The following RARB variants were observed in gnomAD, a reference collection of about 807,000 sequenced individuals.
The protein encoded by RARB is retinoic acid receptor beta.
Under a neutral mutation model 51.9 loss-of-function variants are expected in RARB, and 17 were observed. The observed-to-expected ratio is 0.33, with a 90% CI of 0.22 to 0.49. The LOEUF is 0.49. RARB is among the 20% of genes least tolerant of loss of function. The pLI is 0.99. For synonymous variants in RARB, 215 were observed against 195.4 expected, an observed-to-expected ratio of 1.10 and a Z score of -0.84; for missense variants, 369 against 550.8, an observed-to-expected ratio of 0.67 and a Z score of 3.30.
chr3:25,520,363 C>T (rs941687497), intron 3 of RARB, among the ~76,000 whole-genome samples: 6 of 152,284 alleles, frequency 3.9e-5, no homozygotes, highest in African/African-American at 1.4e-4. Flanking sequence ...CTCAACAGTT[C>T]AGTAGGGACC....
intron 3 of RARB, among the ~76,000 whole-genome samples, chr3:25,124,398 CCTTT>C (rs913089299): frequency 6.6e-6 from 1 of 152,062 alleles, no homozygotes; most frequent in Non-Finnish European, 1.5e-5. Flanking sequence ...TGGATACAGC[CCTTT>C]CTTTATTTCC....
intron 5 of RARB, among the ~76,000 whole-genome samples, chr3:25,587,646 C>G (rs1431345711): frequency 6.6e-6 from 1 of 152,178 alleles, no homozygotes; most frequent in Non-Finnish European, 1.5e-5. Context: ...GGCTACAGGT[C>G]CCATTGGGGA....
rs180713092 is a variant in RARB, at chr3:25,112,615, A to G, written c.-327-19546A>G. Reference sequence around the variant, plus strand: ...CACATAGGGAGACCTCGTCTCTACAAATAATAAAAAAAATTAGTTGAGCAT... The same window carrying G: ...CACATAGGGAGACCTCGTCTCTACAGATAATAAAAAAAATTAGTTGAGCAT... On this transcript the variant is annotated intron_variant, in intron 3 of 11. Transcript: ENST00000383772. Among the ~76,000 whole-genome samples, 1,026 of 152,108 alleles carry G rather than the reference A, an allele frequency of 6.7e-3. 8 individuals carry two copies. The highest frequency in any genetic ancestry group is 0.022 in the African/African-American group (915 of 41,488).
At chr3:25,210,535 T>TTTC (rs1255624954) in intron 5 of RARB, among the ~76,000 whole-genome samples, 1 of 104,204 alleles carries the variant, frequency 9.6e-6, no homozygotes, top group African/African-American at 3.5e-5. Flanking sequence ...GATTCTTTTT[T>TTTC]TTTTTTTTTT....
intron 5 of RARB, among the ~76,000 whole-genome samples, chr3:25,180,856 G>A (rs1700846574): frequency 6.6e-6 from 1 of 152,160 alleles, no homozygotes; most frequent in Non-Finnish European, 1.5e-5. Flanking sequence ...GGGGCTCCCA[G>A]ACCAACCAAT....
intron 5 of RARB, among the ~76,000 whole-genome samples, chr3:25,408,247 A>G (rs910549035): frequency 6.6e-6 from 1 of 152,188 alleles, no homozygotes; most frequent in African/African-American, 2.4e-5. Flanking sequence ...GCTATAAAGA[A>G]CTACCTGAGA....
At chr3:25,109,820 A>G (rs1407683365) in intron 3 of RARB, among the ~76,000 whole-genome samples, 1 of 152,108 alleles carries the variant, frequency 6.6e-6, no homozygotes, top group Admixed American at 6.5e-5. Context: ...AATTTTTCCA[A>G]CACTCTCAGA....
At chr3:24,959,067 G>T (rs1034544955) in intron 2 of RARB, among the ~76,000 whole-genome samples, 13 of 152,176 alleles carry the variant, frequency 8.5e-5, no homozygotes, top group Admixed American at 3.9e-4. Flanking sequence ...AATCCCTGAA[G>T]CCCCAGAGGG....
intron 3 of RARB, among the ~76,000 whole-genome samples, chr3:25,522,149 A>G (rs1698427872): frequency 6.6e-6 from 1 of 152,006 alleles, no homozygotes; most frequent in Non-Finnish European, 1.5e-5. Context: ...TTCAAGCAGA[A>G]GTGGTGGAGA....
At chr3:25,016,975 C>A (rs1442447092) in intron 2 of RARB, among the ~76,000 whole-genome samples, 1 of 152,102 alleles carries the variant, frequency 6.6e-6, no homozygotes, top group South Asian at 2.1e-4. Flanking sequence ...TTCTTCCAAC[C>A]TGGCCTTAGA....
chr3:25,524,616 TCCTCCCTCCCTGCCTC>T (rs1475328282), intron 3 of RARB, among the ~76,000 whole-genome samples: 1 of 140,222 alleles, frequency 7.1e-6, no homozygotes, highest in Non-Finnish European at 1.6e-5. Flanking sequence ...CCCCCTCCCT[TCCTCCCTCCCTGCCTC>T]CCTCCTTCCT....
chr3:25,590,260 T>G (rs1221185677), intron 5 of RARB, among the ~76,000 whole-genome samples: 1 of 152,214 alleles, frequency 6.6e-6, no homozygotes, highest in Non-Finnish European at 1.5e-5. Flanking sequence ...AATAGAATAG[T>G]TAGAAACATT....
At chr3:25,319,878 A>G (rs1334163554) in intron 5 of RARB, among the ~76,000 whole-genome samples, 1 of 152,176 alleles carries the variant, frequency 6.6e-6, no homozygotes, top group Non-Finnish European at 1.5e-5. Context: ...TGAAAAGGTG[A>G]TCTAGCCTAG....
intron 5 of RARB, among the ~76,000 whole-genome samples, chr3:25,284,707 A>G (rs1703607717): frequency 1.3e-5 from 2 of 152,190 alleles, no homozygotes; most frequent in Admixed American, 6.5e-5. Flanking sequence ...CTCACATTTA[A>G]ATAACAATTG....
intron 5 of RARB, among the ~76,000 whole-genome samples, chr3:25,269,825 T>C (rs2125410792): frequency 6.6e-6 from 1 of 152,312 alleles, no homozygotes; most frequent in African/African-American, 2.4e-5. Context: ...ATGCTAAAAA[T>C]GTCATGTTTA....
chr3:24,991,443 CA>C (rs371185277), intron 2 of RARB, among the ~76,000 whole-genome samples: 16 of 138,770 alleles, frequency 1.2e-4, no homozygotes, highest in South Asian at 2.3e-4. Context: ...AACTCTGTCT[CA>C]AAAAAAAAAG....
intron 2 of RARB, among the ~76,000 whole-genome samples, chr3:25,001,836 A>G (rs963270465): frequency 6.6e-6 from 1 of 152,136 alleles, no homozygotes; most frequent in Non-Finnish European, 1.5e-5. Context: ...CTACGCATCC[A>G]TGTGTTCCAT....
intron 2 of RARB, among the ~76,000 whole-genome samples, chr3:25,040,807 C>T (rs890138013): frequency 5.3e-5 from 8 of 152,110 alleles, no homozygotes; most frequent in South Asian, 2.1e-4. Flanking sequence ...AATTACAAAG[C>T]GTTTTCCTTA....
intron 2 of RARB, among the ~76,000 whole-genome samples, chr3:24,939,517 GAA>G (rs1695615509): frequency 6.6e-6 from 1 of 152,082 alleles, no homozygotes; most frequent in African/African-American, 2.4e-5. Context: ...TTTTGCCATA[GAA>G]AATATTTGTT....
Sources: allele counts gnomAD v4.1 joint callset (sites outside exome capture counted in the v4.1 genomes callset), GRCh38; gene constraint gnomAD v4.1.1; transcripts MANE v1.5; gene names NCBI Gene and HGNC (gene_info 2026-07-23, HGNC 2026-07-21).